Variants in ELN observed in about 807,000 individuals in gnomAD.
ELN encodes tropoelastin.
ELN carries 65 observed loss-of-function variants against 105.8 expected under a neutral mutation model. The ratio of observed to expected loss-of-function variants is 0.61; its 90% confidence interval spans 0.50 to 0.75. The LOEUF (loss-of-function observed/expected upper bound fraction) is 0.75. Among genes scored for constraint, ELN ranks in the 30% least tolerant of loss-of-function variants. The pLI, the probability that ELN is intolerant of heterozygous loss-of-function variation, is 0.00. For missense variants in ELN, 882 were observed against 969.4 expected (o/e 0.91, Z 1.20); for synonymous variants, 368 against 389.2 (o/e 0.95, Z 0.64).
chr7:74,034,429 G>A (rs1185363819), intron 1 of ELN, among the ~76,000 whole-genome samples: 4 of 152,148 alleles, frequency 2.6e-5, no homozygotes, highest in African/African-American at 4.8e-5. Context: ...ATACTCTAAG[G>A]ACTGGCAGCA....
At chr7:74,040,591 C>T (rs1411933986) in intron 4 of ELN, among the ~76,000 whole-genome samples, 1 of 152,176 alleles carries the variant, frequency 6.6e-6, no homozygotes, top group Non-Finnish European at 1.5e-5. Flanking sequence ...AGAAACAAAC[C>T]TGGCATGGTT....
intron 4 of ELN, 108 bp from the exon 5 acceptor site, chr7:74,041,096 TTAGGGACCAGCC>T (rs1791094372): frequency 3.0e-6 from 4 of 1,326,204 alleles, no homozygotes; most frequent in Non-Finnish European, 4.3e-6. Flanking sequence ...CATCACAGGC[TTAGGGACCAGCC>T]TAGGGACCTG....
Position 74,048,201 on chromosome 7 carries a change from G to A in ELN, c.745G>A (p.Gly249Arg), listed in dbSNP as rs546393611. ...CAAGGCTGGTTACCCAACAGGGACA[G>A]GTAAGGAAAGCCTCACGTCACTTCC... Reference protein sequence around the residue: ...AGKAGYPTGTGVGPQAAAAAA... With the variant: ...AGKAGYPTGTRVGPQAAAAAA... Residue 249 changes from glycine to arginine, a missense_variant and splice_region_variant, in exon 14 of 33, where the codon GGG becomes AGG. Gly to Arg is a moderately radical substitution (Grantham distance 125). Transcript: ENST00000252034. The A allele has an allele frequency of 1.4e-5, 23 of 1,613,894 alleles. No homozygotes were observed. Among genetic ancestry groups the A allele is most frequent in the Non-Finnish European group, 1.9e-5 (22 of 1,179,958 alleles).
intron 4 of ELN, among the ~76,000 whole-genome samples, chr7:74,038,744 C>T (rs1369115305): frequency 6.6e-6 from 1 of 152,252 alleles, no homozygotes; most frequent in Non-Finnish European, 1.5e-5. Flanking sequence ...GTTTAGATGT[C>T]CAAGAGCTCT....
At chr7:74,037,612 C>T (rs1790272968) in intron 3 of ELN, 95 bp from the exon 4 acceptor site, 8 of 1,543,584 alleles carry the variant, frequency 5.2e-6, no homozygotes, top group Middle Eastern at 1.7e-4. Flanking sequence ...GTGTGTGATT[C>T]CACACTGCCC....
At chr7:74,053,049 C>A (rs1794444502) in intron 17 of ELN, 114 bp from the exon 18 acceptor site, 2 of 1,496,340 alleles carry the variant, frequency 1.3e-6, no homozygotes, top group Admixed American at 3.8e-5. Context: ...GAAATGTCAA[C>A]CCACCTGCAA....
At chr7:74,048,482 C>G in intron 14 of ELN, 21 bp from the exon 15 acceptor site, 1 of 1,614,028 alleles carries the variant, frequency 6.2e-7, no homozygotes, top group Non-Finnish European at 8.5e-7. Context: ...AAGGTCTCTC[C>G]CCTCTGCTTC....
intron 19 of ELN, among the ~76,000 whole-genome samples, chr7:74,056,031 C>T (rs1795153748): frequency 6.6e-6 from 1 of 152,100 alleles, no homozygotes; most frequent in Non-Finnish European, 1.5e-5. Context: ...AGGTGATCCA[C>T]CTGCCTCAGC....
chr7:74,046,547 C>A, intron 11 of ELN, 149 bp from the exon 12 acceptor site: 2 of 835,454 alleles, frequency 2.4e-6, no homozygotes, highest in Non-Finnish European at 3.9e-6. Flanking sequence ...TCTCAACTGA[C>A]CCATGATGGA....
chr7:74,050,916 C>A (rs1176987920), intron 15 of ELN, among the ~76,000 whole-genome samples: 1 of 152,130 alleles, frequency 6.6e-6, no homozygotes, highest in Non-Finnish European at 1.5e-5. Flanking sequence ...GGAATGGGTA[C>A]CACGGTGGTT....
At chr7:74,055,166 GCAGTGGCTTA>G (rs1794963296) in intron 19 of ELN, among the ~76,000 whole-genome samples, 1 of 152,270 alleles carries the variant, frequency 6.6e-6, no homozygotes, top group Non-Finnish European at 1.5e-5. Flanking sequence ...AGGGCTGGGT[GCAGTGGCTTA>G]CACCTGTAAT....
chr7:74,051,308 G>A (rs951665434), intron 15 of ELN, among the ~76,000 whole-genome samples: 5 of 152,208 alleles, frequency 3.3e-5, no homozygotes, highest in Admixed American at 2.0e-4. Context: ...TGGCCCCAGC[G>A]GCTGGTGGGG....
chr7:74,059,339 C>T (rs1796075487), intron 22 of ELN, among the ~76,000 whole-genome samples: 1 of 152,156 alleles, frequency 6.6e-6, no homozygotes, highest in African/African-American at 2.4e-5. Flanking sequence ...TAATGTAAAT[C>T]TGCCTCCATC....
rs1794112000 is a variant in ELN at position 74,051,846 on chromosome 7, T to C, written c.889+7T>C. On this transcript the variant is annotated splice_region_variant and intron_variant, in intron 16 of 32. Coordinates refer to ENST00000252034, the MANE Select transcript of ELN (RefSeq NM_000501.4). The stretch of plus-strand genomic sequence containing the variant: ...GGAATTGGAGGCATCGCAGGTAACA[T>C]CTGTCCCAGCAGGGGGCGGGTGTGT... 8 of 1,614,192 alleles carry C rather than the reference T, an allele frequency of 5.0e-6. No individual in the cohort carries two copies. The highest frequency in any genetic ancestry group is 6.8e-6 in the Non-Finnish European group (8 of 1,180,006).
rs1417417295 is a variant in ELN at position 74,060,966 on chromosome 7, T to G, written c.1748-135T>G. ...GGCACTGTTCAGCCCTAAAGCTCTG[T>G]GCCTGTACAGCTTCAGGGCTTTGAG... On this transcript the variant is annotated intron_variant, in intron 25 of 32. Coordinates refer to ENST00000252034, the MANE Select transcript of ELN (RefSeq NM_000501.4). 5.6e-6 allele frequency: 6 copies of G among 1,068,164 alleles called. No individual in the cohort carries two copies. In the South Asian group the frequency reaches 6.3e-5, roughly 11 times the overall value. 66.2% of individuals were successfully genotyped at this position (1,068,164 alleles called of 1,614,324 possible).
chr7:74,030,914 C>T (rs994360607), intron 1 of ELN, among the ~76,000 whole-genome samples: 8 of 152,200 alleles, frequency 5.3e-5, no homozygotes, highest in Non-Finnish European at 1.0e-4. Context: ...GCCGAGGCCC[C>T]GGCATGAGGG....
At chr7:74,057,557 A>T (rs1385135589) in intron 21 of ELN, 83 bp from the exon 22 acceptor site, 3 of 1,608,818 alleles carry the variant, frequency 1.9e-6, no homozygotes, top group Non-Finnish European at 2.6e-6. Flanking sequence ...ACCATTTTAC[A>T]AATGGGAAGA....
rs1322937665 is a variant in ELN, at chr7:74,029,624, C to T, written c.82+1355C>T. ...TGAACAGCTTCCTGTGCAGGGTCCGCTGCTGGACCTGGATGAGGCCAAGGG... is the reference window on the plus strand; with the variant it reads ...TGAACAGCTTCCTGTGCAGGGTCCGTTGCTGGACCTGGATGAGGCCAAGGG... On this transcript the variant is annotated intron_variant, in intron 1 of 32. Transcript: ENST00000252034. Among the ~76,000 whole-genome samples, 3 of 152,148 alleles carry T rather than the reference C, an allele frequency of 2.0e-5. No homozygotes were observed. The East Asian group carries it at 5.8e-4, about 29-fold the overall frequency.
chr7:74,048,698 C>T (rs1425476789), intron 15 of ELN, 142 bp downstream of exon 15: 9 of 908,720 alleles, frequency 9.9e-6, no homozygotes, highest in African/African-American at 9.9e-5. Context: ...TCTATCTATC[C>T]CTCCCTCCAA....
Sources: allele counts gnomAD v4.1 joint callset (sites outside exome capture counted in the v4.1 genomes callset), GRCh38; gene constraint gnomAD v4.1.1; transcripts MANE v1.5; gene names NCBI Gene and HGNC (gene_info 2026-07-23, HGNC 2026-07-21).